Variants in C13orf42 observed in about 807,000 individuals in gnomAD.
C13orf42 encodes the protein uncharacterized protein C13orf42.
intron 1 of C13orf42, among the ~76,000 whole-genome samples, chr13:51,092,960 T>C (rs1391953130): frequency 6.6e-6 from 1 of 152,098 alleles, no homozygotes; most frequent in Non-Finnish European, 1.5e-5. Context: ...AAAAAGATAA[T>C]TTTACTCATA....
chr13:51,111,786 G>A (rs554817659), upstream of C13orf42, among the ~76,000 whole-genome samples: 1 of 152,148 alleles, frequency 6.6e-6, no homozygotes, highest in Admixed American at 6.5e-5. Context: ...AGATGGGCCA[G>A]GGTGGACACA....
chr13:51,135,715 CTTCT>C (rs1953652640), intron 1 of C13orf42, among the ~76,000 whole-genome samples: 2 of 151,904 alleles, frequency 1.3e-5, no homozygotes, highest in South Asian at 2.1e-4. Context: ...CCAACAATTT[CTTCT>C]TTCTTCTTCC....
intron 1 of C13orf42, among the ~76,000 whole-genome samples, chr13:51,155,977 C>T (rs1019291737): frequency 7.9e-5 from 12 of 152,140 alleles, no homozygotes; most frequent in Non-Finnish European, 5.9e-5. Flanking sequence ...TTCCAGACTC[C>T]CCTGTGCCTG....
chr13:51,086,013 T>C (rs761045402), intron 2 of C13orf42, among the ~76,000 whole-genome samples: 1 of 150,038 alleles, frequency 6.7e-6, no homozygotes, highest in Non-Finnish European at 1.5e-5. Context: ...CGAGACTCCG[T>C]CTCAAAAAAA....
chr13:51,114,649 GAT>G (rs372785113), upstream of C13orf42, among the ~76,000 whole-genome samples: 9,111 of 74,290 alleles, frequency 0.12, 296 homozygotes, highest in Middle Eastern at 0.18. Context: ...GATAGATAGA[GAT>G]AGACAGACAG....
At chr13:51,159,519 G>C (rs1427351082) in intron 1 of C13orf42, among the ~76,000 whole-genome samples, 1 of 152,174 alleles carries the variant, frequency 6.6e-6, no homozygotes, top group African/African-American at 2.4e-5. Flanking sequence ...ATATAGATTA[G>C]AGTTGAATTT....
chr13:51,128,202 G>T (rs959713774), intron 1 of C13orf42, among the ~76,000 whole-genome samples: 2 of 152,122 alleles, frequency 1.3e-5, no homozygotes, highest in Admixed American at 1.3e-4. Context: ...CAGCCCTTGG[G>T]GCTGCTCTGC....
At chr13:51,113,920 A>C (rs570968126), upstream of C13orf42, among the ~76,000 whole-genome samples, 23 of 152,380 alleles carry the variant, frequency 1.5e-4, no homozygotes, top group South Asian at 8.3e-4. Context: ...CACTGGGCTC[A>C]GACCAGATTT....
chr13:51,153,636 T>C (rs1408568652), intron 1 of C13orf42, among the ~76,000 whole-genome samples: 7 of 130,904 alleles, frequency 5.3e-5, no homozygotes, highest in African/African-American at 8.5e-5. Flanking sequence ...TTTTCTTTTT[T>C]TTTTTTTTTT....
intron 1 of C13orf42, among the ~76,000 whole-genome samples, chr13:51,141,455 GA>G (rs1490243182): frequency 6.6e-6 from 1 of 152,056 alleles, no homozygotes; most frequent in African/African-American, 2.4e-5. Context: ...GTTGGGTACA[GA>G]ATGTTTCATT....
At chr13:51,147,667 T>G (rs1198350696) in intron 1 of C13orf42, among the ~76,000 whole-genome samples, 7 of 151,554 alleles carry the variant, frequency 4.6e-5, no homozygotes, top group Admixed American at 6.6e-5. Context: ...AGGCAGAGGT[T>G]GCAGTGAGCT....
chr13:51,119,607 A>G (rs1953517268), intron 1 of C13orf42, among the ~76,000 whole-genome samples: 1 of 152,200 alleles, frequency 6.6e-6, no homozygotes, highest in Non-Finnish European at 1.5e-5. Flanking sequence ...ACCCTACAGC[A>G]TGGATAAGCC....
chr13:51,123,510 C>T, intron 1 of C13orf42, among the ~76,000 whole-genome samples: 1 of 152,336 alleles, frequency 6.6e-6, no homozygotes, highest in Middle Eastern at 3.4e-3. Context: ...GAAATACAAT[C>T]TTAGCATGTG....
intron 1 of C13orf42, chr13:51,161,810 G>C: frequency 2.8e-6 from 1 of 354,938 alleles, no homozygotes; most frequent in South Asian, 2.8e-5. Flanking sequence ...GGAATCGTTA[G>C]GCACTGTGAG....
chr13:51,151,413 A>C (rs1029909904), intron 1 of C13orf42, among the ~76,000 whole-genome samples: 3 of 152,110 alleles, frequency 2.0e-5, no homozygotes, highest in African/African-American at 7.2e-5. Context: ...AACAAACAAA[A>C]ACTCAGATTC....
intron 1 of C13orf42, among the ~76,000 whole-genome samples, chr13:51,122,934 G>A (rs1457433710): frequency 2.0e-5 from 3 of 152,180 alleles, no homozygotes; most frequent in Admixed American, 6.5e-5. Context: ...AGAGGCGGGG[G>A]CAGTGCATGC....
intron 1 of C13orf42, among the ~76,000 whole-genome samples, chr13:51,166,448 TG>T (rs1469647228): frequency 2.2e-5 from 1 of 45,412 alleles, no homozygotes; most frequent in Non-Finnish European, 4.0e-5. Context: ...TGTGGTGGGG[TG>T]GGGGGAGGGG....
At chr13:51,119,461 G>A (rs778726148) in intron 1 of C13orf42, among the ~76,000 whole-genome samples, 79 of 152,056 alleles carry the variant, frequency 5.2e-4, no homozygotes, top group Non-Finnish European at 7.9e-4. Context: ...CTGCCATGGC[G>A]TACAGAGTGA....
intron 1 of C13orf42, among the ~76,000 whole-genome samples, chr13:51,150,207 A>C (rs551585358): frequency 1.1e-4 from 16 of 152,346 alleles, no homozygotes; most frequent in African/African-American, 3.6e-4. Flanking sequence ...TGGGACCCCC[A>C]CATTTCTCCA....
Sources: gnomAD v4.1 joint callset for allele counts (sites outside exome capture counted in the v4.1 genomes callset) on GRCh38, gnomAD v4.1.1 for gene constraint, MANE v1.5 for transcripts, NCBI Gene and HGNC (gene_info 2026-07-23, HGNC 2026-07-21) for gene names.